Variants in PTPN18 observed in about 807,000 individuals in gnomAD.
The protein encoded by PTPN18 is protein tyrosine phosphatase non-receptor type 18.
Under a neutral mutation model 65.4 loss-of-function variants are expected in PTPN18, and 65 were observed. The ratio of observed to expected loss-of-function variants is 0.99; its 90% CI spans 0.81 to 1.22. The LOEUF is 1.22. Ranked by LOEUF, PTPN18 falls within the 50% of genes most tolerant of loss-of-function variation. The pLI, the probability that PTPN18 is intolerant of heterozygous loss-of-function variation, is 0.00. For missense variants in PTPN18, 616 were observed against 646.5 expected (o/e 0.95, Z 0.51); for synonymous variants, 255 against 267.8 (o/e 0.95, Z 0.47).
At chr2:130,370,022 T>C in intron 7 of PTPN18, 26 bp from the exon 8 acceptor site, 1 of 1,611,550 alleles carries the variant, frequency 6.2e-7, no homozygotes, top group African/African-American at 1.3e-5. Context: ...TCCTAAGTCT[T>C]TTGCTCATCT....
chr2:130,363,791 T>C (rs998435981), intron 5 of PTPN18, among the ~76,000 whole-genome samples: 16 of 147,020 alleles, frequency 1.1e-4, no homozygotes, highest in Non-Finnish European at 6.0e-5. Context: ...TTCATGTCTC[T>C]TGGGTATTGC....
At position 130,370,753 on chromosome 2, in the gene PTPN18, A is replaced by G. The variant is rs1680532149; in HGVS notation, c.805A>G (p.Lys269Glu). The G allele has an allele frequency of 6.2e-7, 1 of 1,614,080 alleles. No individual in the cohort carries two copies. Among genetic ancestry groups the G allele is most frequent in the African/African-American group, 1.3e-5 (1 of 74,936 alleles). The change falls in exon 10 of 15, where the codon AAG becomes GAG. Residue 269 changes from lysine (K) to glutamate (E), a missense_variant. Physicochemically the swap from Lys to Glu is moderately conservative, Grantham distance 56. Transcript: ENST00000175756. ...CTTTGATGTGGTCCTTAAGATGAGGAAGCAGCGGCCTGCGGCCGTGCAGAC... is the reference window on the plus strand; with the variant it reads ...CTTTGATGTGGTCCTTAAGATGAGGGAGCAGCGGCCTGCGGCCGTGCAGAC... Reference protein sequence around the residue: ...SLFDVVLKMRKQRPAAVQTEE... With the variant: ...SLFDVVLKMREQRPAAVQTEE...
intron 12 of PTPN18, 138 bp downstream of exon 12, chr2:130,371,425 C>T: frequency 1.4e-6 from 1 of 718,606 alleles, no homozygotes. Context: ...GCTCTGGGAA[C>T]CCACCCCAAG....
intron 5 of PTPN18, among the ~76,000 whole-genome samples, chr2:130,361,532 T>TTC (rs1553458529): frequency 4.9e-5 from 7 of 143,342 alleles, no homozygotes; most frequent in African/African-American, 1.6e-4. Flanking sequence ...CTTTCTTTCT[T>TTC]TCTTTCTTTC....
intron 5 of PTPN18, among the ~76,000 whole-genome samples, chr2:130,361,686 C>T (rs1680221380): frequency 6.6e-6 from 1 of 151,950 alleles, no homozygotes; most frequent in Admixed American, 6.5e-5. Flanking sequence ...CTCCCAGGTT[C>T]AAGCGATTCT....
In PTPN18 at chr2:130,371,254, T is replaced by C; in HGVS notation, c.980T>C (p.Leu327Pro). ...ALFLRTPQAL[L>P]AIPRPPGGVL... ...TTCCTCCGGACTCCCCAGGCACTTC[T>C]CGCCATACCCCGCCCACCAGGAGGG... is the stretch of plus-strand genomic sequence containing the variant. Residue 327 changes from leucine to proline, a missense_variant, in exon 12 of 15, where the codon CTC becomes CCC. Around this residue, in one of 3 missense-constraint regions of PTPN18, gnomAD observed 368 missense variants for 386.7 expected, o/e 0.95. Transcript: ENST00000175756. 6.2e-7 allele frequency: 1 copy of C among 1,609,586 alleles called. No individual in the cohort carries two copies. The highest frequency in any genetic ancestry group is 2.2e-5 in the East Asian group (1 of 44,868).
At chr2:130,371,020 G>T in intron 11 of PTPN18, 56 bp downstream of exon 11, 2 of 1,568,698 alleles carry the variant, frequency 1.3e-6, no homozygotes, top group Non-Finnish European at 8.7e-7. Context: ...CAGAGACCAG[G>T]ACCCCGAGCA....
Position 130,374,643 on chromosome 2 carries a change from G to C in PTPN18, c.*1419G>C, listed in dbSNP as rs1196140004. 6.4e-6 allele frequency: 3 copies of C among 471,248 alleles called. No individual in the cohort carries two copies. The highest frequency in any genetic ancestry group is 1.3e-5 in the Non-Finnish European group (3 of 227,110). The allele number at this position is 471,248 out of a possible 1,614,324, so 29.2% of individuals were successfully genotyped here. On this transcript the variant is annotated 3_prime_UTR_variant, in exon 15 of 15. Transcript: ENST00000175756. ...AGATGCTCTTTCCCTGAACCTCAAG[G>C]GTCCCGCCCCTCTCACTTTCAGGTC...
chr2:130,364,909 G>A (rs556140163), intron 5 of PTPN18, among the ~76,000 whole-genome samples: 14 of 152,204 alleles, frequency 9.2e-5, no homozygotes, highest in African/African-American at 3.4e-4. Context: ...ATATGATAAC[G>A]CTATGTTCAA....
chr2:130,365,173 A>G lies in PTPN18; in HGVS notation c.415-3960A>G, dbSNP rs113548501. Among the ~76,000 whole-genome samples the G allele has an allele frequency of 7.2e-4, 109 of 152,344 alleles. 1 individual carries two copies. Among genetic ancestry groups the G allele is most frequent in the African/African-American group, 2.3e-3 (95 of 41,568 alleles). ...TGAGTATCAATCATTTCCCCAACTTAATATGCAGTGTCAATATCAAGTGCC... is the reference window on the plus strand; with the variant it reads ...TGAGTATCAATCATTTCCCCAACTTGATATGCAGTGTCAATATCAAGTGCC... On this transcript the variant is annotated intron_variant, in intron 5 of 14. Coordinates refer to ENST00000175756, the MANE Select transcript of PTPN18 (RefSeq NM_014369.4).
rs747032979 is a variant in PTPN18 at position 130,370,909 on chromosome 2, A to T, written c.869A>T (p.Gln290Leu). 1 of 1,614,152 alleles carries T rather than the reference A, an allele frequency of 6.2e-7. No individual in the cohort carries two copies. ...AGGTTCCTGTACCACACGGTGGCTC[A>T]GATGTTCTGCTCCACACTCCAGAAT... ...QYRFLYHTVA[Q>L]MFCSTLQNAS... The change falls in exon 11 of 15, where the codon CAG (glutamine) becomes CTG (leucine). Residue 290 changes from glutamine to leucine, a missense_variant. Gln to Leu is a moderately radical substitution (Grantham distance 113). Transcript: ENST00000175756.
chr2:130,374,842 C>T lies in PTPN18; in HGVS notation c.*1618C>T, dbSNP rs1222907868. 8.0e-6 allele frequency: 3 copies of T among 375,032 alleles called. No individual in the cohort carries two copies. Among genetic ancestry groups the T allele is most frequent in the African/African-American group, 4.2e-5 (2 of 47,416 alleles). 23.2% of individuals were successfully genotyped at this position (375,032 alleles called of 1,614,324 possible). ...CAAGTGCCTTGGCATGAACTCCACT[C>T]TCCTGCAGCCTTCAATCAAGGAATG... On this transcript the variant is annotated 3_prime_UTR_variant, in exon 15 of 15. Coordinates refer to ENST00000175756, the MANE Select transcript of PTPN18 (RefSeq NM_014369.4).
intron 8 of PTPN18, 115 bp from the exon 9 acceptor site, chr2:130,370,442 G>A: frequency 7.9e-7 from 1 of 1,271,058 alleles, no homozygotes; most frequent in Non-Finnish European, 1.1e-6. Context: ...AAGATTCTGG[G>A]AATCAAGAGG....
chr2:130,359,956 A>C, intron 5 of PTPN18: 1 of 402,878 alleles, frequency 2.5e-6, no homozygotes, highest in Non-Finnish European at 4.6e-6. Context: ...CTCCACTCTA[A>C]CAACTCTGGT....
Position 130,361,563 on chromosome 2 carries a change from TTTCC to T in PTPN18, c.414+1920_414+1923del, listed in dbSNP as rs1359477273. 1.5e-4 allele frequency among the ~76,000 whole-genome samples: 19 copies of T among 125,836 alleles called. No homozygotes were observed. The East Asian group carries it at 3.2e-3, about 21-fold the overall frequency. 82.6% of individuals were successfully genotyped at this position (125,836 alleles called of 152,430 possible). On this transcript the variant is annotated intron_variant, in intron 5 of 14. Transcript: ENST00000175756. ...CTTTCTTTCTTTCTTTCTTTCTTTCTTTCCTTTCTTTCCTTTCTTTCCTTTCTTT... is the reference window on the plus strand; with the variant it reads ...CTTTCTTTCTTTCTTTCTTTCTTTCTTTTCTTTCCTTTCTTTCCTTTCTTT...
At position 130,370,801 on chromosome 2, in the gene PTPN18, A is replaced by T. The variant is rs368532299; in HGVS notation, c.834+19A>T. 1 of 1,612,952 alleles carries T rather than the reference A, an allele frequency of 6.2e-7. No individual in the cohort carries two copies. The highest frequency in any genetic ancestry group is 1.7e-5 in the Admixed American group (1 of 59,996). On this transcript the variant is annotated intron_variant, in intron 10 of 14. Coordinates refer to ENST00000175756, the MANE Select transcript of PTPN18 (RefSeq NM_014369.4). ...GACAGAGGTGAACCCTGGGTCTCCT[A>T]ATCTTCAGGGACAGTGGCCCACTGC... is the stretch of plus-strand genomic sequence containing the variant.
At position 130,373,224 on chromosome 2, in the gene PTPN18, A is replaced by G; in HGVS notation, c.1383A>G (p.Ter461=). The part of the protein sequence containing the change: ...RDPPAEWTRV[*] ...CGCCTGCTGAGTGGACCCGGGTGTA[A>G]GTCTAACGCCAGTTCCTGCCTGTTG... Residue 461 remains the stop codon, a stop_retained_variant, in exon 15 of 15, where the codon TAA becomes TAG. Coordinates refer to ENST00000175756, the MANE Select transcript of PTPN18 (RefSeq NM_014369.4). This position sits in a 1 kb window ranked among gnomAD's most constrained non-coding sequence, Gnocchi z 4.1. 6.3e-7 allele frequency: 1 copy of G among 1,594,952 alleles called. No individual in the cohort carries two copies. The highest frequency in any genetic ancestry group is 1.4e-5 in the African/African-American group (1 of 74,024).
At chr2:130,357,297 G>C (rs1288988958) in intron 1 of PTPN18, among the ~76,000 whole-genome samples, 1 of 152,192 alleles carries the variant, frequency 6.6e-6, no homozygotes, top group Non-Finnish European at 1.5e-5. Flanking sequence ...AGAATGCTAG[G>C]CACTGTACAT....
chr2:130,362,192 A>C (rs1416670909), intron 5 of PTPN18: 3 of 467,792 alleles, frequency 6.4e-6, no homozygotes, highest in Non-Finnish European at 4.4e-6. Flanking sequence ...CTGGTCTCGA[A>C]CTCCTGGCCT....
Sources: gnomAD v4.1 joint callset for allele counts (sites outside exome capture counted in the v4.1 genomes callset) on GRCh38, gnomAD v4.1.1 for gene constraint, gnomAD v4.1.1 regional missense constraint, Gnocchi (gnomAD v3.1) non-coding constraint, MANE v1.5 for transcripts, NCBI Gene and HGNC (gene_info 2026-07-23, HGNC 2026-07-21) for gene names.